Variants in WWP1 observed in about 807,000 individuals in gnomAD.
The protein encoded by WWP1 is NEDD4-like E3 ubiquitin-protein ligase WWP1.
In WWP1, 49 loss-of-function variants were observed where a neutral mutation model predicts 130.6. The ratio of observed to expected loss-of-function variants is 0.38; its 90% CI spans 0.30 to 0.48. The LOEUF (loss-of-function observed/expected upper bound fraction) is 0.48, where lower values mean the gene tolerates loss of function less well. Among genes scored for constraint, WWP1 ranks in the 20% least tolerant of loss-of-function variants. WWP1 has a pLI of 0.99. For synonymous variants in WWP1, 332 were observed against 367.8 expected, an observed-to-expected ratio of 0.90 and a Z score of 1.11; for missense variants, 809 against 1,100.6, an observed-to-expected ratio of 0.74 and a Z score of 3.75.
intron 1 of WWP1, among the ~76,000 whole-genome samples, chr8:86,362,099 C>G (rs531699415): frequency 7.3e-6 from 1 of 137,046 alleles, no homozygotes; most frequent in Non-Finnish European, 1.5e-5. Flanking sequence ...TATATATATA[C>G]ACTAGGCATA....
chr8:86,422,265 G>C (rs750743664), intron 9 of WWP1, among the ~76,000 whole-genome samples: 1 of 151,798 alleles, frequency 6.6e-6, no homozygotes, highest in African/African-American at 2.4e-5. Flanking sequence ...ATATTTTCTG[G>C]TTATTGTATT....
In WWP1 at chr8:86,468,370, TG is replaced by T; in HGVS notation, c.*1478del. On this transcript the variant is annotated 3_prime_UTR_variant, in exon 25 of 25. Transcript: ENST00000517970. ...AAAGAAAGGCAGAGATCTGCTTGGTTGAATAGACTCCTTTTCCAAATCCTTA... is the reference window on the plus strand; with the variant it reads ...AAAGAAAGGCAGAGATCTGCTTGGTTAATAGACTCCTTTTCCAAATCCTTA... 2.2e-6 allele frequency: 1 copy of T among 453,890 alleles called. No homozygotes were observed. Among genetic ancestry groups the T allele is most frequent in the Non-Finnish European group, 4.4e-6 (1 of 226,486 alleles). The allele number at this position is 453,890 out of a possible 1,614,324, so 28.1% of individuals were successfully genotyped here. A position where few individuals can be genotyped will look rare whatever the true frequency, so the allele number is the denominator to read the frequency against.
intron 24 of WWP1, among the ~76,000 whole-genome samples, chr8:86,464,935 TGAGA>T (rs913656369): frequency 2.0e-5 from 3 of 151,842 alleles, no homozygotes; most frequent in African/African-American, 4.8e-5. Flanking sequence ...GTGTGTGTAT[TGAGA>T]GAGAGATTTT....
Position 86,438,504 on chromosome 8 carries a change from T to C in WWP1, c.1750-81T>C, listed in dbSNP as rs534063177. The C allele has an allele frequency of 1.1e-5, 12 of 1,045,506 alleles. No homozygotes were observed. The East Asian group carries it at 2.6e-4, about 22-fold the overall frequency. The allele number at this position is 1,045,506 out of a possible 1,614,324, so 64.8% of individuals were successfully genotyped here. On this transcript the variant is annotated intron_variant, in intron 16 of 24. Coordinates refer to ENST00000517970, the MANE Select transcript of WWP1 (RefSeq NM_007013.4). ...ATAAGGAAATGTGTTATTTTGAAAA[T>C]AGAGATTAAATTTAAATTGTTTTGA...
chr8:86,465,670 G>A (rs139763363), intron 24 of WWP1, among the ~76,000 whole-genome samples: 81 of 152,230 alleles, frequency 5.3e-4, no homozygotes, highest in African/African-American at 1.7e-3. Flanking sequence ...TAGAATGACA[G>A]AATTTGGCAA....
chr8:86,396,191 C>T (rs570014941), intron 5 of WWP1, among the ~76,000 whole-genome samples: 85 of 152,046 alleles, frequency 5.6e-4, no homozygotes, highest in Admixed American at 1.8e-3. Context: ...TTCCACCTCC[C>T]GAATTCAAGC....
At chr8:86,350,887 T>G (rs574325364) in intron 1 of WWP1, among the ~76,000 whole-genome samples, 1 of 152,210 alleles carries the variant, frequency 6.6e-6, no homozygotes. Flanking sequence ...TTAGTTAGAC[T>G]GGGGAGGAGA....
In WWP1 at chr8:86,374,424, G is replaced by T. The variant is rs76531406; in HGVS notation, c.70+304G>T. 7.3e-3 allele frequency among the ~76,000 whole-genome samples: 1,118 copies of T among 152,178 alleles called. 14 individuals are homozygous for T. Among genetic ancestry groups the T allele is most frequent in the African/African-American group, 0.026 (1,061 of 41,536 alleles). Reference sequence around the variant, plus strand: ...AATAGGATGGAGCAGGATGCCAAAGGCCTTCTTACATACATTTAGCCATTT... The same window carrying T: ...AATAGGATGGAGCAGGATGCCAAAGTCCTTCTTACATACATTTAGCCATTT... On this transcript the variant is annotated intron_variant, in intron 3 of 24. Transcript: ENST00000517970.
rs538368297 is a variant in WWP1 at position 86,373,446 on chromosome 8, C to A, written c.-21-584C>A. Among the ~76,000 whole-genome samples the A allele has an allele frequency of 1.2e-4, 19 of 152,122 alleles. No individual in the cohort carries two copies. In the South Asian group the frequency reaches 3.7e-3, roughly 30 times the overall value. On this transcript the variant is annotated intron_variant, in intron 2 of 24. Transcript: ENST00000517970. ...ACAACAATGGCCAATTTGTCAATTT[C>A]TTCCTGTAGTTTTTACTGTATTTTG...
intron 21 of WWP1, among the ~76,000 whole-genome samples, chr8:86,457,543 A>G (rs1811523363): frequency 6.6e-6 from 1 of 151,620 alleles, no homozygotes; most frequent in African/African-American, 2.4e-5. Flanking sequence ...TATACATAAT[A>G]GATACACACA....
chr8:86,371,022 C>T (rs1369961847), intron 2 of WWP1, among the ~76,000 whole-genome samples: 3 of 149,524 alleles, frequency 2.0e-5, no homozygotes, highest in Admixed American at 1.3e-4. Flanking sequence ...CCTGCCACCT[C>T]GCCTGGCTAA....
chr8:86,385,452 G>A (rs1407162259), intron 5 of WWP1, among the ~76,000 whole-genome samples: 1 of 152,144 alleles, frequency 6.6e-6, no homozygotes, highest in Non-Finnish European at 1.5e-5. Context: ...CCGGGATCTA[G>A]CATGCATGAA....
At chr8:86,413,516 T>C (rs999948140) in intron 9 of WWP1, among the ~76,000 whole-genome samples, 3 of 152,216 alleles carry the variant, frequency 2.0e-5, no homozygotes, top group African/African-American at 7.2e-5. Flanking sequence ...ACCTGCGCCG[T>C]TGACGTCAAA....
chr8:86,425,269 C>T lies in WWP1; in HGVS notation c.1108C>T (p.His370Tyr). 2 of 1,613,304 alleles carry T rather than the reference C, an allele frequency of 1.2e-6. No homozygotes were observed. The highest frequency in any genetic ancestry group is 1.7e-6 in the Non-Finnish European group (2 of 1,179,610). ...DPHGRTYYVDHNTRTTTWERP... is the reference protein window; with the variant it reads ...DPHGRTYYVDYNTRTTTWERP... ...TCATGGTAGAACCTATTATGTGGAT[C>T]ATAATACTCGAACTACCACATGGGA... is the stretch of plus-strand genomic sequence containing the variant. Residue 370 changes from histidine to tyrosine, a missense_variant, in exon 10 of 25, where the codon CAT becomes TAT. By Grantham distance (83) the His-to-Tyr change is moderately conservative. Transcript: ENST00000517970.
At chr8:86,457,110 T>A (rs1441679965) in intron 21 of WWP1, among the ~76,000 whole-genome samples, 2 of 151,916 alleles carry the variant, frequency 1.3e-5, no homozygotes, top group Non-Finnish European at 1.5e-5. Flanking sequence ...TACCTAAGTT[T>A]GTGCATTTTA....
At position 86,414,227 on chromosome 8, in the gene WWP1, C is replaced by CTGTGTG. The variant is rs35397366; in HGVS notation, c.1061+2369_1061+2374dup. Among the ~76,000 whole-genome samples the CTGTGTG allele has an allele frequency of 8.7e-4, 131 of 151,062 alleles. 1 individual carries two copies. Among genetic ancestry groups the CTGTGTG allele is most frequent in the Admixed American group, 6.0e-4 (9 of 15,078 alleles). ...CATTGTTTCCTGAAAGTTTGTTTTT[C>CTGTGTG]TGTGTGTGTGTGTGTGTGTGTATGT... On this transcript the variant is annotated intron_variant, in intron 9 of 24. Coordinates refer to ENST00000517970, the MANE Select transcript of WWP1 (RefSeq NM_007013.4).
At chr8:86,459,128 C>G (rs1811624297) in intron 22 of WWP1, among the ~76,000 whole-genome samples, 2 of 138,526 alleles carry the variant, frequency 1.4e-5, no homozygotes, top group South Asian at 4.7e-4. Context: ...CTCCCAGGTT[C>G]AAGTGATTCT....
At chr8:86,362,576 C>A (rs1823733771) in intron 1 of WWP1, among the ~76,000 whole-genome samples, 1 of 151,998 alleles carries the variant, frequency 6.6e-6, no homozygotes, top group Non-Finnish European at 1.5e-5. Flanking sequence ...TTTTTTCTCC[C>A]TTTTTCTTGT....
intron 16 of WWP1, among the ~76,000 whole-genome samples, chr8:86,438,221 A>T (rs1366697677): frequency 3.9e-5 from 6 of 152,234 alleles, no homozygotes; most frequent in Non-Finnish European, 7.3e-5. Flanking sequence ...AAAGGTCCTC[A>T]TTCTCATTGT....
Sources: gnomAD v4.1 joint callset for allele counts (sites outside exome capture counted in the v4.1 genomes callset) on GRCh38, gnomAD v4.1.1 for gene constraint, MANE v1.5 for transcripts, NCBI Gene and HGNC (gene_info 2026-07-23, HGNC 2026-07-21) for gene names.